The following FNDC1 variants were observed in gnomAD, a reference collection of about 807,000 sequenced individuals.
The protein encoded by FNDC1 is fibronectin type III domain-containing protein 1.
FNDC1 carries 96 observed loss-of-function variants against 168.0 expected under a neutral mutation model. The observed-to-expected ratio is 0.57, with a 90% confidence interval of 0.48 to 0.68. FNDC1 has a LOEUF of 0.68. Among genes scored for constraint, FNDC1 ranks in the 30% least tolerant of loss-of-function variants. The pLI is 0.00. For synonymous variants in FNDC1, 1,099 were observed against 1,025.9 expected (o/e 1.07, Z -1.36); for missense variants, 2,587 against 2,482.1 (o/e 1.04, Z -0.90).
At chr6:159,197,351 A>G in intron 1 of FNDC1, 80 bp from the exon 2 acceptor site, 1 of 1,310,538 alleles carries the variant, frequency 7.6e-7, no homozygotes, top group East Asian at 2.3e-5. Flanking sequence ...CTGTTTTCCT[A>G]ACAATATCAA....
chr6:159,198,043 G>T (rs949113819), intron 2 of FNDC1, among the ~76,000 whole-genome samples: 2 of 152,172 alleles, frequency 1.3e-5, no homozygotes, highest in Non-Finnish European at 2.9e-5. Flanking sequence ...TGTGGAATAC[G>T]TTATGCCTAG....
chr6:159,235,451 G>T (rs1583898137), intron 11 of FNDC1, among the ~76,000 whole-genome samples: 2 of 152,078 alleles, frequency 1.3e-5, no homozygotes, highest in African/African-American at 4.8e-5. Context: ...CCTGAGAGTA[G>T]ATGTAAAACT....
Position 159,215,031 on chromosome 6 carries a change from T to C in FNDC1, c.547T>C (p.Ser183Pro). The change falls in exon 5 of 23, where the codon TCT (serine) becomes CCT (proline). Residue 183 changes from serine (S) to proline (P), a missense_variant. Transcript: ENST00000297267. ...LSVAWKAPRL[S>P]GAKSPRRSRG... Reference sequence around the variant, plus strand: ...CGTTGCGTGGAAGGCACCACGCCTGTCTGGAGCCAAGAGTCCACGCAGATC... The same window carrying C: ...CGTTGCGTGGAAGGCACCACGCCTGCCTGGAGCCAAGAGTCCACGCAGATC... 1 of 1,614,014 alleles carries C rather than the reference T, an allele frequency of 6.2e-7. No individual in the cohort carries two copies. The highest frequency in any genetic ancestry group is 2.2e-5 in the East Asian group (1 of 44,876).
Position 159,239,490 on chromosome 6 carries a change from CATAGCTATTGGTTG to C in FNDC1, c.4181-24_4181-11del. On this transcript the variant is annotated splice_polypyrimidine_tract_variant and intron_variant, in intron 13 of 22. Coordinates refer to ENST00000297267, the MANE Select transcript of FNDC1 (RefSeq NM_032532.3). ...TTCTCTGGATTGCTTCACCTTGTTGCATAGCTATTGGTTGATTTTGTTTCAGATCTGGAAGGGAC... is the reference window on the plus strand; with the variant it reads ...TTCTCTGGATTGCTTCACCTTGTTGCATTTTGTTTCAGATCTGGAAGGGAC... 1 of 1,545,142 alleles carries C rather than the reference CATAGCTATTGGTTG, an allele frequency of 6.5e-7. No homozygotes were observed. Among genetic ancestry groups the C allele is most frequent in the Non-Finnish European group, 8.8e-7 (1 of 1,142,318 alleles).
At chr6:159,221,054 G>A (rs1452463964) in intron 5 of FNDC1, among the ~76,000 whole-genome samples, 1 of 152,228 alleles carries the variant, frequency 6.6e-6, no homozygotes, top group African/African-American at 2.4e-5. Context: ...TGTGCTGTTA[G>A]CAAATCTTCA....
intron 2 of FNDC1, among the ~76,000 whole-genome samples, chr6:159,198,892 C>T (rs1260941449): frequency 2.0e-5 from 3 of 152,220 alleles, no homozygotes; most frequent in East Asian, 1.9e-4. Context: ...CCTGGCAGGT[C>T]GTGCCAAACC....
rs779384252 is a variant in FNDC1 at position 159,261,938 on chromosome 6, CA to C, written c.5254+679del. Among the ~76,000 whole-genome samples, 793 of 107,188 alleles carry C rather than the reference CA, an allele frequency of 7.4e-3. 6 individuals carry two copies. The highest frequency in any genetic ancestry group is 0.02 in the African/African-American group (746 of 38,240). 70.3% of individuals were successfully genotyped at this position (107,188 alleles called of 152,430 possible). On this transcript the variant is annotated intron_variant, in intron 19 of 22. Transcript: ENST00000297267. Reference sequence around the variant, plus strand: ...GCAACACAGGGAGGTCCTGTTTCTACAAAAAAAAAATTTTTTTTAATTAGCC... The same window carrying C: ...GCAACACAGGGAGGTCCTGTTTCTACAAAAAAAAATTTTTTTTAATTAGCC...
chr6:159,219,643 G>A (rs1206792076), intron 5 of FNDC1, among the ~76,000 whole-genome samples: 1 of 152,146 alleles, frequency 6.6e-6, no homozygotes, highest in Non-Finnish European at 1.5e-5. Context: ...AGCTGTCATT[G>A]TGTTTACTGC....
chr6:159,269,154 G>GTA (rs1777659371), intron 22 of FNDC1, among the ~76,000 whole-genome samples: 1 of 110,588 alleles, frequency 9.0e-6, no homozygotes, highest in Non-Finnish European at 1.7e-5. Context: ...CTATCCATCT[G>GTA]TCTATGTATG....
intron 12 of FNDC1, among the ~76,000 whole-genome samples, chr6:159,237,440 A>T (rs1783287359): frequency 6.6e-6 from 1 of 152,200 alleles, no homozygotes; most frequent in African/African-American, 2.4e-5. Context: ...TGCTTTGAGA[A>T]CCACCAGCAA....
intron 17 of FNDC1, among the ~76,000 whole-genome samples, chr6:159,253,970 A>C (rs118092433): frequency 0.012 from 1,883 of 152,284 alleles, 22 homozygotes; most frequent in Non-Finnish European, 0.021. Flanking sequence ...GCTTGACTGC[A>C]CTGTGCCAGA....
At chr6:159,259,918 C>T (rs1423917766) in intron 18 of FNDC1, among the ~76,000 whole-genome samples, 1 of 152,178 alleles carries the variant, frequency 6.6e-6, no homozygotes, top group Non-Finnish European at 1.5e-5. Context: ...GTTCTGAGGC[C>T]AGAGACTGCC....
At position 159,233,507 on chromosome 6, in the gene FNDC1, G is replaced by T; in HGVS notation, c.2995G>T (p.Gly999Cys). The part of the protein sequence containing the change: ...HPSVPRRMTP[G>C]RAPQQQPPPP... Reference sequence around the variant, plus strand: ...CAGTGTTCCCAGAAGGATGACACCCGGCCGGGCCCCACAACAGCAGCCCCC... The same window carrying T: ...CAGTGTTCCCAGAAGGATGACACCCTGCCGGGCCCCACAACAGCAGCCCCC... The change falls in exon 11 of 23, where the codon GGC becomes TGC. Residue 999 changes from glycine to cysteine, a missense_variant. By Grantham distance (159) the Gly-to-Cys change is radical (BLOSUM62 -3). Transcript: ENST00000297267. The surrounding 1 kb of genome is among the most constrained non-coding windows in gnomAD (Gnocchi z 4.6). The T allele has an allele frequency of 6.2e-7, 1 of 1,602,910 alleles. No individual in the cohort carries two copies. The highest frequency in any genetic ancestry group is 1.7e-5 in the Admixed American group (1 of 59,480).
intron 4 of FNDC1, among the ~76,000 whole-genome samples, chr6:159,203,295 T>C (rs1038159496): frequency 5.3e-5 from 8 of 152,044 alleles, no homozygotes; most frequent in Non-Finnish European, 1.0e-4. Context: ...TACTGTAATA[T>C]AGAATAAGCA....
chr6:159,205,915 T>G (rs1583869963), intron 4 of FNDC1, among the ~76,000 whole-genome samples: 1 of 152,344 alleles, frequency 6.6e-6, no homozygotes, highest in East Asian at 1.9e-4. Flanking sequence ...GAGAATGTAC[T>G]TAAAACACAC....
rs569813898 is a variant in FNDC1 at position 159,234,096 on chromosome 6, T to G, written c.3584T>G (p.Leu1195Arg). Residue 1195 changes from leucine (L) to arginine (R), a missense_variant, in exon 11 of 23, where the codon CTT (leucine) becomes CGT (arginine). Physicochemically the swap from Leu to Arg is moderately radical, Grantham distance 102. Transcript: ENST00000297267. The part of the protein sequence containing the change: ...AGFFKGGKED[L>R]LSSSVPKWPS... ...TTTTTTAAAGGCGGGAAAGAAGACC[T>G]TCTGTCTTCCTCTGTGCCAAAGTGG... is the stretch of plus-strand genomic sequence containing the variant. 1 of 1,611,172 alleles carries G rather than the reference T, an allele frequency of 6.2e-7. No homozygotes were observed. Among genetic ancestry groups the G allele is most frequent in the African/African-American group, 1.3e-5 (1 of 75,018 alleles).
At chr6:159,177,318 C>A (rs548144949) in intron 1 of FNDC1, among the ~76,000 whole-genome samples, 1 of 152,294 alleles carries the variant, frequency 6.6e-6, no homozygotes, top group South Asian at 2.1e-4. Context: ...AGCCCTAGTG[C>A]TGTGGCTGGA....
Position 159,235,702 on chromosome 6 carries a change from T to G in FNDC1, c.3968-513T>G, listed in dbSNP as rs9347294. Among the ~76,000 whole-genome samples the G allele has an allele frequency of 6.2e-3, 943 of 152,240 alleles. 79 individuals carry two copies. The East Asian group carries it at 0.16, about 25-fold the overall frequency. ...TCTTCTTACTGTCTGAGCAAATACTTCTCAAGCAGCCCCACAGCGTTCAGC... is the reference window on the plus strand; with the variant it reads ...TCTTCTTACTGTCTGAGCAAATACTGCTCAAGCAGCCCCACAGCGTTCAGC... On this transcript the variant is annotated intron_variant, in intron 11 of 22. Coordinates refer to ENST00000297267, the MANE Select transcript of FNDC1 (RefSeq NM_032532.3).
chr6:159,256,778 T>C (rs1003375917), intron 18 of FNDC1, 147 bp downstream of exon 18: 11 of 656,858 alleles, frequency 1.7e-5, no homozygotes, highest in Non-Finnish European at 2.4e-5. Context: ...AATGCATGCT[T>C]ACCATATGTC....
Sources: allele counts gnomAD v4.1 joint callset (sites outside exome capture counted in the v4.1 genomes callset), GRCh38; gene constraint gnomAD v4.1.1; non-coding constraint Gnocchi (gnomAD v3.1); transcripts MANE v1.5; gene names NCBI Gene and HGNC (gene_info 2026-07-23, HGNC 2026-07-21).